MAPK8: variants seen among roughly 807,000 people sequenced by gnomAD.
The protein encoded by MAPK8 is mitogen-activated protein kinase 8.
A neutral mutation model predicts 52.9 loss-of-function variants in MAPK8; 13 were observed. That is an observed-to-expected ratio of 0.25 (90% CI 0.16 to 0.39). The LOEUF is 0.39. Among genes scored for constraint, MAPK8 ranks in the 10% least tolerant of loss-of-function variants. The probability of loss-of-function intolerance (pLI) is 1.00; values close to 1 mark genes in which losing one functional copy is unlikely to be tolerated. For missense variants in MAPK8, 300 were observed against 519.2 expected (o/e 0.58, Z 4.10); for synonymous variants, 191 against 169.8 (o/e 1.12, Z -0.97).
At chr10:48,426,215 G>GT (rs1055387399) in intron 8 of MAPK8, 145 bp downstream of exon 8, 26,836 of 761,860 alleles carry the variant, frequency 0.035, no homozygotes, top group Middle Eastern at 0.039. Flanking sequence ...TGAGGTTTTT[G>GT]TTTTTTTTTT....
chr10:48,317,828 G>A (rs529963224), intron 1 of MAPK8, among the ~76,000 whole-genome samples: 1 of 152,198 alleles, frequency 6.6e-6, no homozygotes, highest in Non-Finnish European at 1.5e-5. Context: ...CATACGGGCA[G>A]AAAGGGATGG....
At chr10:48,388,450 TAGAA>T (rs2041439489) in intron 1 of MAPK8, among the ~76,000 whole-genome samples, 1 of 152,102 alleles carries the variant, frequency 6.6e-6, no homozygotes, top group Non-Finnish European at 1.5e-5. Context: ...TCAACTAAAG[TAGAA>T]AGAGAGGGAA....
chr10:48,319,024 G>A (rs1042496419), intron 1 of MAPK8, among the ~76,000 whole-genome samples: 2 of 152,174 alleles, frequency 1.3e-5, no homozygotes, highest in African/African-American at 4.8e-5. Context: ...AGGGATGTGA[G>A]GTATGAGAGG....
intron 1 of MAPK8, among the ~76,000 whole-genome samples, chr10:48,392,820 CTTCT>C (rs1416843855): frequency 6.6e-6 from 1 of 152,030 alleles, no homozygotes. Context: ...CATCTTTGGT[CTTCT>C]TTGTTAAACT....
At chr10:48,432,479 GA>G (rs1188822389) in intron 11 of MAPK8, among the ~76,000 whole-genome samples, 1 of 152,030 alleles carries the variant, frequency 6.6e-6, no homozygotes, top group Admixed American at 6.6e-5. Flanking sequence ...ACCTATTTTG[GA>G]AATGGCCTTT....
chr10:48,358,381 C>T (rs943482459), intron 1 of MAPK8, among the ~76,000 whole-genome samples: 1 of 151,966 alleles, frequency 6.6e-6, no homozygotes, highest in South Asian at 2.1e-4. Context: ...GAAGTGGTGC[C>T]TTATGGTTTT....
chr10:48,330,926 G>A (rs558232464), intron 1 of MAPK8, among the ~76,000 whole-genome samples: 6 of 152,190 alleles, frequency 3.9e-5, no homozygotes, highest in East Asian at 3.9e-4. Context: ...TGTCACATCC[G>A]CAGGCTGACT....
At chr10:48,359,711 A>G (rs1847341617) in intron 1 of MAPK8, among the ~76,000 whole-genome samples, 1 of 152,206 alleles carries the variant, frequency 6.6e-6, no homozygotes, top group Non-Finnish European at 1.5e-5. Flanking sequence ...GGATAGACAC[A>G]TGAAAAAAAA....
intron 5 of MAPK8, among the ~76,000 whole-genome samples, chr10:48,413,247 A>C (rs1409832604): frequency 6.6e-6 from 1 of 152,192 alleles, no homozygotes; most frequent in African/African-American, 2.4e-5. Context: ...GCTGCTATGA[A>C]CATGGTTGTC....
chr10:48,376,048 C>A (rs2040641473), intron 1 of MAPK8, among the ~76,000 whole-genome samples: 1 of 152,072 alleles, frequency 6.6e-6, no homozygotes, highest in Non-Finnish European at 1.5e-5. Context: ...GATATATAGA[C>A]CAATGGAACA....
At chr10:48,373,309 T>C (rs1478398247) in intron 1 of MAPK8, among the ~76,000 whole-genome samples, 1 of 152,022 alleles carries the variant, frequency 6.6e-6, no homozygotes, top group Non-Finnish European at 1.5e-5. Context: ...CCATCAATGC[T>C]ATGAAGAAAC....
chr10:48,337,231 A>G (rs770982698), intron 1 of MAPK8, among the ~76,000 whole-genome samples: 1 of 152,192 alleles, frequency 6.6e-6, no homozygotes, highest in African/African-American at 2.4e-5. Context: ...AAGTCTCAAT[A>G]AATTCAAAAA....
intron 10 of MAPK8, chr10:48,430,365 AT>A (rs2044106662): frequency 6.6e-6 from 1 of 152,318 alleles, no homozygotes; most frequent in Non-Finnish European, 1.5e-5. Flanking sequence ...AAGTGCTGGG[AT>A]TACAGGCATG....
intron 1 of MAPK8, among the ~76,000 whole-genome samples, chr10:48,371,320 G>C (rs903504058): frequency 6.6e-6 from 1 of 152,072 alleles, no homozygotes; most frequent in African/African-American, 2.4e-5. Context: ...ATTACTCAGA[G>C]CTATAATATG....
intron 1 of MAPK8, among the ~76,000 whole-genome samples, chr10:48,385,451 T>C (rs2041254993): frequency 6.6e-6 from 1 of 152,200 alleles, no homozygotes; most frequent in African/African-American, 2.4e-5. Context: ...ACTTTTCCCA[T>C]ATGTATGTTA....
intron 1 of MAPK8, among the ~76,000 whole-genome samples, chr10:48,346,034 A>C (rs1040759213): frequency 6.6e-6 from 1 of 152,172 alleles, no homozygotes; most frequent in Non-Finnish European, 1.5e-5. Flanking sequence ...GGAAGCAGTA[A>C]CCATAGGCAG....
At chr10:48,375,181 A>G (rs1168489687) in intron 1 of MAPK8, among the ~76,000 whole-genome samples, 5 of 152,210 alleles carry the variant, frequency 3.3e-5, no homozygotes, top group Non-Finnish European at 7.3e-5. Context: ...CTTTGACAAA[A>G]TTCAGCAGCC....
chr10:48,366,879 A>T (rs574181846), intron 1 of MAPK8, among the ~76,000 whole-genome samples: 9 of 145,066 alleles, frequency 6.2e-5, no homozygotes, highest in East Asian at 3.9e-4. Flanking sequence ...GCTGGCTTTT[A>T]AAAAAAAAAA....
intron 1 of MAPK8, among the ~76,000 whole-genome samples, chr10:48,343,256 C>G (rs1589006833): frequency 6.6e-6 from 1 of 152,172 alleles, no homozygotes; most frequent in African/African-American, 2.4e-5. Flanking sequence ...GAATCTGTTC[C>G]TTTCCTCTTC....
Sources: gnomAD v4.1 joint callset for allele counts (sites outside exome capture counted in the v4.1 genomes callset) on GRCh38, gnomAD v4.1.1 for gene constraint, MANE v1.5 for transcripts, NCBI Gene and HGNC (gene_info 2026-07-23, HGNC 2026-07-21) for gene names.